The following CTNNA3 variants were observed in gnomAD, a reference collection of about 807,000 sequenced individuals.
The protein encoded by CTNNA3 is catenin alpha 3, also known as catenin alpha-3.
CTNNA3 carries 76 observed loss-of-function variants against 95.7 expected under a neutral mutation model. The ratio of observed to expected loss-of-function variants is 0.79; its 90% CI spans 0.66 to 0.96. CTNNA3 has a LOEUF of 0.96. Ranked by LOEUF, CTNNA3 falls within the 40% of genes least tolerant of loss-of-function variation. The pLI is 0.00. For missense variants in CTNNA3, 1,191 were observed against 1,089.8 expected, an observed-to-expected ratio of 1.09 and a Z score of -1.31; for synonymous variants, 431 against 374.4, an observed-to-expected ratio of 1.15 and a Z score of -1.74.
chr10:67,090,398 G>A (rs1857561265), intron 7 of CTNNA3, among the ~76,000 whole-genome samples: 1 of 152,012 alleles, frequency 6.6e-6, no homozygotes, highest in Non-Finnish European at 1.5e-5. Context: ...TCACACTAAT[G>A]GAAATAAGAG....
At chr10:67,559,967 C>A (rs550579940) in intron 3 of CTNNA3, among the ~76,000 whole-genome samples, 1 of 152,206 alleles carries the variant, frequency 6.6e-6, no homozygotes, top group African/African-American at 2.4e-5. Flanking sequence ...AACGAAGCCT[C>A]CAAGAAATAG....
intron 12 of CTNNA3, among the ~76,000 whole-genome samples, chr10:66,347,465 A>G (rs1226822053): frequency 6.6e-6 from 1 of 151,956 alleles, no homozygotes; most frequent in African/African-American, 2.4e-5. Flanking sequence ...CATTTTAAAA[A>G]TGAGTCAGGT....
intron 12 of CTNNA3, among the ~76,000 whole-genome samples, chr10:66,320,285 A>G (rs2092163188): frequency 6.6e-6 from 1 of 151,820 alleles, no homozygotes; most frequent in Non-Finnish European, 1.5e-5. Context: ...GCTTTGATTT[A>G]CCCTACACAT....
At chr10:67,278,193 ATGTGCAAGGTAAAAGCTT>A (rs1297475667) in intron 5 of CTNNA3, among the ~76,000 whole-genome samples, 1 of 152,166 alleles carries the variant, frequency 6.6e-6, no homozygotes, top group African/African-American at 2.4e-5. Flanking sequence ...TTGTTATGGA[ATGTGCAAGGTAAAAGCTT>A]TCCTTTGATG....
intron 13 of CTNNA3, among the ~76,000 whole-genome samples, chr10:66,183,753 G>A (rs2086174589): frequency 6.6e-6 from 1 of 152,108 alleles, no homozygotes; most frequent in South Asian, 2.1e-4. Context: ...TTTTTGGTTA[G>A]TAGTAAAAGG....
Position 67,206,866 on chromosome 10 carries a change from C to T in CTNNA3, c.843+12741G>A, listed in dbSNP as rs192693114. Among the ~76,000 whole-genome samples the T allele has an allele frequency of 2.0e-5, 3 of 152,232 alleles. No homozygotes were observed. The East Asian group carries it at 5.8e-4, about 29-fold the overall frequency. Reference sequence around the variant, plus strand: ...ACTAAAACCCCTTCTCAAAACAACTCACGCCTGTAATCCCAGCACTTTGGG... The same window carrying T: ...ACTAAAACCCCTTCTCAAAACAACTTACGCCTGTAATCCCAGCACTTTGGG... On this transcript the variant is annotated intron_variant, in intron 6 of 17. Coordinates refer to ENST00000433211, the MANE Select transcript of CTNNA3 (RefSeq NM_013266.4).
intron 13 of CTNNA3, among the ~76,000 whole-genome samples, chr10:66,143,444 C>A (rs193023857): frequency 1.3e-5 from 2 of 152,122 alleles, no homozygotes; most frequent in African/African-American, 4.8e-5. Flanking sequence ...AAAACTGTCA[C>A]TTTCCAGTTT....
chr10:66,433,170 G>A (rs188408428), intron 11 of CTNNA3, among the ~76,000 whole-genome samples: 1 of 152,236 alleles, frequency 6.6e-6, no homozygotes, highest in East Asian at 1.9e-4. Context: ...ACCCACTAAT[G>A]GGATTGCTGG....
rs536465165 is a variant in CTNNA3 at position 66,521,493 on chromosome 10, C to T, written c.1375-720G>A. On this transcript the variant is annotated intron_variant, in intron 10 of 17. Coordinates refer to ENST00000433211, the MANE Select transcript of CTNNA3 (RefSeq NM_013266.4). ...CCAAATTAGGACTGTAAGTTGAATGCCCAGTGATTTCCCATGGATATTCCT... is the reference window on the plus strand; with the variant it reads ...CCAAATTAGGACTGTAAGTTGAATGTCCAGTGATTTCCCATGGATATTCCT... Among the ~76,000 whole-genome samples, 29 of 152,086 alleles carry T rather than the reference C, an allele frequency of 1.9e-4. No homozygotes were observed. The South Asian group carries it at 5.2e-3, about 27-fold the overall frequency.
rs189184372 is a variant in CTNNA3, at chr10:67,484,689, A to G, written c.579+37153T>C. ...AAAGAAGACATACAGGTGGCCAACA[A>G]ACATATGAAACAATGCTCCACATCA... On this transcript the variant is annotated intron_variant, in intron 5 of 17. Transcript: ENST00000433211. 1.9e-3 allele frequency among the ~76,000 whole-genome samples: 283 copies of G among 152,344 alleles called. 2 individuals are homozygous for G. Among genetic ancestry groups the G allele is most frequent in the Middle Eastern group, 0.017 (5 of 294 alleles).
At chr10:66,298,670 A>G (rs558238757) in intron 12 of CTNNA3, among the ~76,000 whole-genome samples, 1 of 152,230 alleles carries the variant, frequency 6.6e-6, no homozygotes, top group African/African-American at 2.4e-5. Context: ...CAAAGAGATC[A>G]TGTCTTCTCC....
At chr10:67,068,467 A>G (rs1856228492) in intron 7 of CTNNA3, among the ~76,000 whole-genome samples, 1 of 152,216 alleles carries the variant, frequency 6.6e-6, no homozygotes, top group African/African-American at 2.4e-5. Context: ...CTGAGTTTAG[A>G]GACACAGATT....
chr10:67,473,244 T>A (rs1051796865), intron 5 of CTNNA3, among the ~76,000 whole-genome samples: 10 of 152,220 alleles, frequency 6.6e-5, no homozygotes, highest in Non-Finnish European at 1.5e-4. Flanking sequence ...TCATCATACA[T>A]GCTTTCCAGG....
chr10:66,043,994 GTT>G (rs1491522630), intron 15 of CTNNA3, among the ~76,000 whole-genome samples: 1,979 of 92,792 alleles, frequency 0.021, 53 homozygotes, highest in East Asian at 0.17. Flanking sequence ...GTGTGTGTGT[GTT>G]TGTGTGTGTC....
intron 7 of CTNNA3, among the ~76,000 whole-genome samples, chr10:67,089,739 G>GTGTGTC (rs1259196832): frequency 6.6e-6 from 1 of 151,594 alleles, no homozygotes; most frequent in African/African-American, 2.4e-5. Context: ...GTGTGTGTGT[G>GTGTGTC]TGTGTGTGTG....
At chr10:66,872,261 G>A (rs1463364133) in intron 7 of CTNNA3, among the ~76,000 whole-genome samples, 1 of 152,066 alleles carries the variant, frequency 6.6e-6, no homozygotes, top group African/African-American at 2.4e-5. Flanking sequence ...TTATGTATGA[G>A]GAAGCAAGAC....
At chr10:67,326,132 G>C (rs183911669) in intron 5 of CTNNA3, among the ~76,000 whole-genome samples, 89 of 152,220 alleles carry the variant, frequency 5.8e-4, no homozygotes, top group African/African-American at 2.1e-3. Context: ...CTGCATGTGA[G>C]ATGGGTCTCT....
chr10:66,176,407 T>C (rs1348736122), intron 13 of CTNNA3, among the ~76,000 whole-genome samples: 2 of 152,102 alleles, frequency 1.3e-5, no homozygotes, highest in Non-Finnish European at 2.9e-5. Context: ...CTGCAAATAG[T>C]TTCTTATGAA....
At chr10:66,941,499 AC>A (rs1450552309) in intron 7 of CTNNA3, among the ~76,000 whole-genome samples, 1 of 152,224 alleles carries the variant, frequency 6.6e-6, no homozygotes, top group African/African-American at 2.4e-5. Flanking sequence ...AGGAATCTTC[AC>A]CTCTTTCCTT....
Sources: gnomAD v4.1 joint callset for allele counts (sites outside exome capture counted in the v4.1 genomes callset) on GRCh38, gnomAD v4.1.1 for gene constraint, MANE v1.5 for transcripts, NCBI Gene and HGNC (gene_info 2026-07-23, HGNC 2026-07-21) for gene names.